MTSS1: variants seen among roughly 807,000 people sequenced by gnomAD.
The protein encoded by MTSS1 is MTSS I-BAR domain containing 1.
Under a neutral mutation model 79.0 loss-of-function variants are expected in MTSS1, and 18 were observed. The observed-to-expected ratio is 0.23, with a 90% CI of 0.16 to 0.34. MTSS1 has a LOEUF of 0.34. Ranked by LOEUF, MTSS1 falls within the 10% of genes least tolerant of loss-of-function variation. The pLI is 1.00. For missense variants in MTSS1, 815 were observed against 986.2 expected, an observed-to-expected ratio of 0.83 and a Z score of 2.33; for synonymous variants, 341 against 368.6, an observed-to-expected ratio of 0.93 and a Z score of 0.86.
intron 3 of MTSS1, among the ~76,000 whole-genome samples, chr8:124,602,734 A>G (rs1834151606): frequency 6.6e-6 from 1 of 152,330 alleles, no homozygotes; most frequent in East Asian, 1.9e-4. Flanking sequence ...CTGGGGGTCT[A>G]TAAGGTGGAT....
Position 124,585,154 on chromosome 8 carries a change from CT to C in MTSS1, c.392del (p.Lys131ArgfsTer7), listed in dbSNP as rs1213369902. 6.2e-7 allele frequency: 1 copy of C among 1,612,788 alleles called. No individual in the cohort carries two copies. Among genetic ancestry groups the C allele is most frequent in the Admixed American group, 1.7e-5 (1 of 59,804 alleles). ...QLDKDHAKEYKKARQEIKKKS... is the reference protein window; with the variant it reads ...QLDKDHAKEYXKARQEIKKKS... ...TCTTTTTTATCTCTTGGCGGGCTTT[CT>C]TATATTCTAAGAGAAAGCAGAATAT... On this transcript the variant is annotated frameshift_variant, in exon 6 of 14. Transcript: ENST00000518547. LOFTEE classifies it high-confidence loss of function.
chr8:124,709,902 C>A (rs1191380597), intron 1 of MTSS1, among the ~76,000 whole-genome samples: 2 of 152,232 alleles, frequency 1.3e-5, no homozygotes, highest in African/African-American at 2.4e-5. Context: ...CTCTGACACA[C>A]CCCCTTCCCA....
At chr8:124,600,055 C>CAA (rs1177818674) in intron 3 of MTSS1, among the ~76,000 whole-genome samples, 4 of 72,798 alleles carry the variant, frequency 5.5e-5, no homozygotes, top group African/African-American at 3.8e-4. Context: ...AAAAAAAAAA[C>CAA]AAAAAAAAAA....
chr8:124,632,180 G>A (rs1174008365), intron 3 of MTSS1, among the ~76,000 whole-genome samples: 1 of 150,654 alleles, frequency 6.6e-6, no homozygotes, highest in East Asian at 2.0e-4. Context: ...TTGGGAGGCT[G>A]AGGCAGGAGG....
Position 124,556,270 on chromosome 8 carries a change from G to C in MTSS1, c.1366C>G (p.Gln456Glu), listed in dbSNP as rs748523312. 9 of 1,614,208 alleles carry C rather than the reference G, an allele frequency of 5.6e-6. No homozygotes were observed. The South Asian group carries it at 8.8e-5, about 16-fold the overall frequency. ...GATACAGTCATGCTCCGTGGTCTCT[G>C]AGCCTCCTCAGCTGCTGCAGGTGGG... ...SGPPAAAEEA[Q>E]RPRSMTVSAA... is the part of the protein sequence containing the mutation. The change falls in exon 12 of 14, where the codon CAG (glutamine) becomes GAG (glutamate). Residue 456 changes from glutamine (Q) to glutamate (E), a missense_variant. Coordinates refer to ENST00000518547, the MANE Select transcript of MTSS1 (RefSeq NM_014751.6).
chr8:124,611,107 C>CCA (rs1554671290), intron 3 of MTSS1, among the ~76,000 whole-genome samples: 3 of 59,252 alleles, frequency 5.1e-5, no homozygotes, highest in African/African-American at 3.9e-4. Context: ...ACCAGACAGA[C>CCA]CCCCCCCCCC....
Position 124,565,859 on chromosome 8 carries a change from G to C in MTSS1, c.727-100C>G, listed in dbSNP as rs1013516309. ...CAAAGCATCAAAACGCTGCCATCGT[G>C]GGGGTGGGAATGAAAGCAAAACATG... On this transcript the variant is annotated intron_variant, in intron 8 of 13. Transcript: ENST00000518547. 13 of 998,770 alleles carry C rather than the reference G, an allele frequency of 1.3e-5. No homozygotes were observed. In the East Asian group the frequency reaches 2.6e-4, roughly 20 times the overall value. 61.9% of individuals were successfully genotyped at this position (998,770 alleles called of 1,614,324 possible). A position where few individuals can be genotyped will look rare whatever the true frequency, so the allele number is the denominator to read the frequency against.
chr8:124,615,254 G>A (rs1405803097), intron 3 of MTSS1, among the ~76,000 whole-genome samples: 1 of 152,158 alleles, frequency 6.6e-6, no homozygotes, highest in African/African-American at 2.4e-5. Flanking sequence ...GGTAGGCAGA[G>A]CTCTCACCCC....
chr8:124,556,668 G>A (rs987738198), intron 11 of MTSS1: 1 of 495,616 alleles, frequency 2.0e-6, no homozygotes, highest in African/African-American at 1.9e-5. Flanking sequence ...GGCAGCAGGA[G>A]ACCCGGCAGC....
chr8:124,557,904 A>G lies in MTSS1; in HGVS notation c.1036-29T>C, dbSNP rs780298777. 26 of 1,517,124 alleles carry G rather than the reference A, an allele frequency of 1.7e-5. No homozygotes were observed. The East Asian group carries it at 5.1e-4, about 30-fold the overall frequency. 94.0% of individuals were successfully genotyped at this position (1,517,124 alleles called of 1,614,324 possible). A position where few individuals can be genotyped will look rare whatever the true frequency, so the allele number is the denominator to read the frequency against. On this transcript the variant is annotated intron_variant, in intron 10 of 13. Transcript: ENST00000518547. ...GAAACAAACAAAAAAAGGGGGGGGGAAGGAAAAAAAATTAATATAACAGGA... is the reference window on the plus strand; with the variant it reads ...GAAACAAACAAAAAAAGGGGGGGGGGAGGAAAAAAAATTAATATAACAGGA...
intron 6 of MTSS1, among the ~76,000 whole-genome samples, chr8:124,572,733 CTTTT>C (rs1417080641): frequency 7.2e-6 from 1 of 139,338 alleles, no homozygotes; most frequent in African/African-American, 2.8e-5. Flanking sequence ...TACTTTCTTT[CTTTT>C]CTTTTCTTTT....
Position 124,597,064 on chromosome 8 carries a change from G to A in MTSS1, c.209-5829C>T, listed in dbSNP as rs1424517840. The stretch of plus-strand genomic sequence containing the variant: ...TTCTGGGGGTGCGCCGCAGTCCACG[G>A]CCCACATCCTACCGTGCAGCAAAAA... On this transcript the variant is annotated intron_variant, in intron 3 of 13. Transcript: ENST00000518547. The surrounding 1 kb of genome is among the most constrained non-coding windows in gnomAD (Gnocchi z 4.6). Among the ~76,000 whole-genome samples the A allele has an allele frequency of 6.6e-6, 1 of 152,070 alleles. No individual in the cohort carries two copies. Among genetic ancestry groups the A allele is most frequent in the Non-Finnish European group, 1.5e-5 (1 of 68,020 alleles).
rs1826258041 is a variant in MTSS1, at chr8:124,682,379, C to A, written c.208+17147G>T. 2.0e-5 allele frequency among the ~76,000 whole-genome samples: 3 copies of A among 152,208 alleles called. No homozygotes were observed. The South Asian group carries it at 6.2e-4, about 32-fold the overall frequency. On this transcript the variant is annotated intron_variant, in intron 3 of 13. Coordinates refer to ENST00000518547, the MANE Select transcript of MTSS1 (RefSeq NM_014751.6). Reference sequence around the variant, plus strand: ...CCATCAGCAGCAAAGTAGCTGGAATCCAAAACTAACACGGCTATCCCTTCA... The same window carrying A: ...CCATCAGCAGCAAAGTAGCTGGAATACAAAACTAACACGGCTATCCCTTCA...
Position 124,553,453 on chromosome 8 carries a change from T to G in MTSS1, c.1807A>C (p.Thr603Pro), listed in dbSNP as rs929637585. ...ATGGGGATGGGACCAGCTCCAATGG[T>G]TCCCCGGCGGACAGAAGGCTTGGTG... The part of the protein sequence containing the change: ...PSTKPSVRRG[T>P]IGAGPIPIKT... The change falls in exon 14 of 14, where the codon ACC becomes CCC. Residue 603 changes from threonine to proline, a missense_variant. Around this residue, in one of 2 missense-constraint regions of MTSS1, gnomAD observed 590 missense variants for 620.8 expected, o/e 0.95. Transcript: ENST00000518547. The surrounding 1 kb of genome is among the most constrained non-coding windows in gnomAD (Gnocchi z 6.0). The G allele has an allele frequency of 1.2e-6, 2 of 1,608,342 alleles. No homozygotes were observed. Among genetic ancestry groups the G allele is most frequent in the African/African-American group, 2.7e-5 (2 of 74,766 alleles).
intron 3 of MTSS1, among the ~76,000 whole-genome samples, chr8:124,685,407 A>C (rs1826794685): frequency 6.6e-6 from 1 of 152,202 alleles, no homozygotes; most frequent in Non-Finnish European, 1.5e-5. Flanking sequence ...AAGGTGGGAG[A>C]ATCTCCAGAC....
intron 3 of MTSS1, among the ~76,000 whole-genome samples, chr8:124,678,185 G>A (rs1825610870): frequency 6.6e-6 from 1 of 152,172 alleles, no homozygotes. Context: ...CCAGTGGATA[G>A]TATACATATT....
chr8:124,573,630 A>G (rs971232749), intron 6 of MTSS1, among the ~76,000 whole-genome samples: 2 of 152,220 alleles, frequency 1.3e-5, no homozygotes, highest in African/African-American at 2.4e-5. Flanking sequence ...GGCCTCAACC[A>G]TCATTCCCTT....
intron 3 of MTSS1, among the ~76,000 whole-genome samples, chr8:124,656,207 T>A (rs1032405993): frequency 6.6e-6 from 1 of 152,150 alleles, no homozygotes; most frequent in African/African-American, 2.4e-5. Flanking sequence ...GCTTAAGTAG[T>A]GGGGCTAGCA....
intron 3 of MTSS1, among the ~76,000 whole-genome samples, chr8:124,688,227 G>C (rs557472855): frequency 6.6e-6 from 1 of 152,028 alleles, no homozygotes; most frequent in Non-Finnish European, 1.5e-5. Flanking sequence ...GCGTGTGTAT[G>C]TGTATGTTGT....
Sources: gnomAD v4.1 joint callset for allele counts (sites outside exome capture counted in the v4.1 genomes callset) on GRCh38, gnomAD v4.1.1 for gene constraint, gnomAD v4.1.1 regional missense constraint, Gnocchi (gnomAD v3.1) non-coding constraint, MANE v1.5 for transcripts, NCBI Gene and HGNC (gene_info 2026-07-23, HGNC 2026-07-21) for gene names.